Variants in ST6GALNAC6 observed in about 807,000 individuals in gnomAD.
ST6GALNAC6 encodes the protein alpha-N-acetylgalactosaminide alpha-2,6-sialyltransferase 6.
In ST6GALNAC6, 19 loss-of-function variants were observed where a neutral mutation model predicts 34.3. The ratio of observed to expected loss-of-function variants is 0.55; its 90% CI spans 0.39 to 0.81. ST6GALNAC6 has a LOEUF of 0.81. Among genes scored for constraint, ST6GALNAC6 ranks in the 40% least tolerant of loss-of-function variants. The pLI is 0.00. For missense variants in ST6GALNAC6, 377 were observed against 467.7 expected (o/e 0.81, Z 1.79); for synonymous variants, 185 against 182.1 (o/e 1.02, Z -0.13).
Position 127,886,657 on chromosome 9 carries a change from A to C in ST6GALNAC6, c.944T>G (p.Val315Gly). The C allele has an allele frequency of 6.2e-7, 1 of 1,608,280 alleles. No individual in the cohort carries two copies. Among genetic ancestry groups the C allele is most frequent in the Non-Finnish European group, 8.5e-7 (1 of 1,178,530 alleles). Residue 315 changes from valine (V) to glycine (G), a missense_variant, in exon 7 of 7, where the codon GTC (valine) becomes GGC (glycine). Physicochemically the swap from Val to Gly is moderately radical, Grantham distance 109. Coordinates refer to ENST00000373146, the MANE Select transcript of ST6GALNAC6 (RefSeq NM_013443.5). The stretch of plus-strand genomic sequence containing the variant: ...ATACAGCTGGGCCCACGATGAGAAG[A>C]CCCTTTTCTCGGTGATGAAGCGGTG... ...NHHRFITEKRVFSSWAQLYGI... is the reference protein window; with the variant it reads ...NHHRFITEKRGFSSWAQLYGI...
chr9:127,891,250 C>CTT (rs1024352441), intron 4 of ST6GALNAC6, among the ~76,000 whole-genome samples: 2 of 152,154 alleles, frequency 1.3e-5, no homozygotes, highest in African/African-American at 4.8e-5. Flanking sequence ...ACAGACCAGG[C>CTT]TTCTGCCTTC....
chr9:127,902,826 G>C (rs191899469), upstream of ST6GALNAC6, among the ~76,000 whole-genome samples: 858 of 31,512 alleles, frequency 0.027, 55 homozygotes, highest in East Asian at 0.53. Context: ...GACCTCAAAT[G>C]ATCCACCCCC....
At chr9:127,899,387 G>A (rs1432492173) in intron 1 of ST6GALNAC6, 116 bp downstream of exon 1, 1 of 569,268 alleles carries the variant, frequency 1.8e-6, no homozygotes, top group East Asian at 1.4e-4. Context: ...GCCGCCGGGG[G>A]ACCCGCATCC....
At chr9:127,903,813 A>C (rs1397610733), upstream of ST6GALNAC6, 2 of 123,168 alleles carry the variant, frequency 1.6e-5, no homozygotes, top group Admixed American at 8.9e-5. Flanking sequence ...AAGGCCACCC[A>C]GGGCGCTGGG....
rs1314452087 is a variant in ST6GALNAC6 at position 127,889,702 on chromosome 9, C to T, written c.704+935G>A. Among the ~76,000 whole-genome samples the T allele has an allele frequency of 2.0e-5, 3 of 152,124 alleles. No homozygotes were observed. In the East Asian group the frequency reaches 5.8e-4, roughly 29 times the overall value. On this transcript the variant is annotated intron_variant, in intron 5 of 6. Transcript: ENST00000373146. The stretch of plus-strand genomic sequence containing the variant: ...TCGTGATCCGTCCACTTCGGCCTCC[C>T]AAAGTACTGGGATTACAGGCATAAG...
rs78529192 is a variant in ST6GALNAC6, at chr9:127,892,568, G to A, written c.298-1525C>T. Reference sequence around the variant, plus strand: ...CTAAGAATTGATTGTCTCACCCCCCGCACACCTTTCTGTCAAGCTGTAGGC... The same window carrying A: ...CTAAGAATTGATTGTCTCACCCCCCACACACCTTTCTGTCAAGCTGTAGGC... On this transcript the variant is annotated intron_variant, in intron 4 of 6. Transcript: ENST00000373146. Among the ~76,000 whole-genome samples, 1,031 of 152,148 alleles carry A rather than the reference G, an allele frequency of 6.8e-3. 12 individuals are homozygous for A. Among genetic ancestry groups the A allele is most frequent in the African/African-American group, 0.024 (995 of 41,482 alleles).
At chr9:127,895,265 C>T (rs903971750) in intron 3 of ST6GALNAC6, among the ~76,000 whole-genome samples, 2 of 152,230 alleles carry the variant, frequency 1.3e-5, no homozygotes, top group African/African-American at 4.8e-5. Context: ...GCATTTGCTT[C>T]TTGGTTCTGG....
In ST6GALNAC6 at chr9:127,897,021, C is replaced by T. The variant is rs573361392; in HGVS notation, c.27-689G>A. On this transcript the variant is annotated intron_variant, in intron 2 of 6. Transcript: ENST00000373146. Reference sequence around the variant, plus strand: ...CTGAGAGGCTCGGTTCTAGTCCAGGCTCGACAGTCTCTGCCAGGGCTGACT... The same window carrying T: ...CTGAGAGGCTCGGTTCTAGTCCAGGTTCGACAGTCTCTGCCAGGGCTGACT... 2.5e-5 allele frequency: 23 copies of T among 919,326 alleles called. No homozygotes were observed. In the African/African-American group the frequency reaches 4.1e-4, roughly 16 times the overall value. 56.9% of individuals were successfully genotyped at this position (919,326 alleles called of 1,614,324 possible). A position where few individuals can be genotyped will look rare whatever the true frequency, so the allele number is the denominator to read the frequency against.
chr9:127,896,802 G>GGGAGTT (rs1830484644), intron 2 of ST6GALNAC6: 1 of 942,200 alleles, frequency 1.1e-6, no homozygotes, highest in Non-Finnish European at 1.3e-6. Context: ...CATCCTCCAA[G>GGGAGTT]CCTGGCATGG....
chr9:127,892,214 C>T (rs2131515996), intron 4 of ST6GALNAC6, among the ~76,000 whole-genome samples: 1 of 152,276 alleles, frequency 6.6e-6, no homozygotes, highest in Middle Eastern at 3.4e-3. Context: ...CTGACTCCAT[C>T]CTGTTTCTGA....
chr9:127,886,223 G>T lies in ST6GALNAC6; in HGVS notation c.*376C>A. 1 of 373,674 alleles carries T rather than the reference G, an allele frequency of 2.7e-6. No individual in the cohort carries two copies. Among genetic ancestry groups the T allele is most frequent in the Non-Finnish European group, 4.7e-6 (1 of 211,888 alleles). 23.1% of individuals were successfully genotyped at this position (373,674 alleles called of 1,614,324 possible). ...ACCAAGTTCCCAGCTCCTTGGGACA[G>T]GACCCCATTATCCCAGGAGAGTGGG... On this transcript the variant is annotated 3_prime_UTR_variant, in exon 7 of 7. Transcript: ENST00000373146.
chr9:127,905,528 G>A (rs781302939), upstream of ST6GALNAC6: 3 of 764,954 alleles, frequency 3.9e-6, no homozygotes, highest in Non-Finnish European at 4.8e-6. Context: ...GGAGAGAGTG[G>A]AGTTCAAATC....
At chr9:127,889,929 CT>C (rs1370685284) in intron 5 of ST6GALNAC6, among the ~76,000 whole-genome samples, 2 of 152,070 alleles carry the variant, frequency 1.3e-5, no homozygotes, top group East Asian at 1.9e-4. Flanking sequence ...GCTTTTACTA[CT>C]TTTTTTCTTA....
At chr9:127,901,065 G>C (rs896108284), upstream of ST6GALNAC6, among the ~76,000 whole-genome samples, 36 of 148,046 alleles carry the variant, frequency 2.4e-4, 1 homozygote, top group Non-Finnish European at 5.9e-5. Context: ...CCACAGCTGA[G>C]TACACATGCC....
At chr9:127,896,713 G>A (rs1830478908) in intron 2 of ST6GALNAC6, among the ~76,000 whole-genome samples, 1 of 152,110 alleles carries the variant, frequency 6.6e-6, no homozygotes, top group Non-Finnish European at 1.5e-5. Flanking sequence ...CCGCTTGTAG[G>A]CCCCCGAACT....
At chr9:127,896,898 C>T (rs1261833679) in intron 2 of ST6GALNAC6, 1 of 985,358 alleles carries the variant, frequency 1.0e-6, no homozygotes, top group South Asian at 4.7e-5. Flanking sequence ...ACTCAGTTTC[C>T]CTGTGCCTCC....
At chr9:127,901,286 A>ATAAGTAAAAAC (rs2131595475), upstream of ST6GALNAC6, among the ~76,000 whole-genome samples, 1 of 152,264 alleles carries the variant, frequency 6.6e-6, no homozygotes, top group African/African-American at 2.4e-5. Flanking sequence ...GTATTGGAAG[A>ATAAGTAAAAAC]TAAGTAAAAA....
At chr9:127,897,264 CGG>C (rs1235897328) in intron 2 of ST6GALNAC6, 3 of 985,782 alleles carry the variant, frequency 3.0e-6, no homozygotes, top group Middle Eastern at 5.2e-4. Flanking sequence ...GGGGGCAGGG[CGG>C]GCAGGAGTGC....
At chr9:127,897,859 C>T (rs1830565109) in intron 2 of ST6GALNAC6, 97 bp downstream of exon 2, 1 of 1,595,262 alleles carries the variant, frequency 6.3e-7, no homozygotes, top group African/African-American at 1.3e-5. Flanking sequence ...CCAGGACCAC[C>T]GTCCCCCTGG....
Sources: gnomAD v4.1 joint callset for allele counts (sites outside exome capture counted in the v4.1 genomes callset) on GRCh38, gnomAD v4.1.1 for gene constraint, MANE v1.5 for transcripts, NCBI Gene and HGNC (gene_info 2026-07-23, HGNC 2026-07-21) for gene names.